The following ZNF211 variants were observed in gnomAD, a reference collection of about 807,000 sequenced individuals.
The protein encoded by ZNF211 is zinc finger protein 211.
ZNF211 carries 18 observed loss-of-function variants against 12.1 expected under a neutral mutation model. The ratio of observed to expected loss-of-function variants is 1.48; its 90% CI spans 1.03 to 2.20. The LOEUF (loss-of-function observed/expected upper bound fraction) is 2.20, where lower values mean the gene tolerates loss of function less well. ZNF211 is among the 30% of genes most tolerant of loss of function. The probability of loss-of-function intolerance (pLI) is 0.00; values close to 1 mark genes in which losing one functional copy is unlikely to be tolerated. For missense variants in ZNF211, 677 were observed against 703.1 expected (o/e 0.96, Z 0.42); for synonymous variants, 249 against 246.0 (o/e 1.01, Z -0.11).
Position 57,642,014 on chromosome 19 carries a change from G to A in ZNF211, c.1567G>A (p.Glu523Lys), listed in dbSNP as rs1451530459. The change falls in exon 4 of 4, where the codon GAG (glutamate) becomes AAG (lysine). Residue 523 changes from glutamate to lysine, a missense_variant. Coordinates refer to ENST00000240731, the MANE Select transcript of ZNF211 (RefSeq NM_006385.5). Reference protein sequence around the residue: ...LRVHTGERPYECSECGKSFSQ... With the variant: ...LRVHTGERPYKCSECGKSFSQ... ...AGTTCACACTGGAGAAAGGCCTTAT[G>A]AGTGCAGTGAATGTGGGAAATCCTT... is the stretch of plus-strand genomic sequence containing the variant. 2 of 1,614,196 alleles carry A rather than the reference G, an allele frequency of 1.2e-6. No homozygotes were observed. The highest frequency in any genetic ancestry group is 3.3e-5 in the Admixed American group (2 of 60,032).
intron 3 of ZNF211, among the ~76,000 whole-genome samples, chr19:57,640,424 A>T (rs1166658264): frequency 2.0e-5 from 3 of 152,186 alleles, no homozygotes; most frequent in African/African-American, 7.2e-5. Context: ...ATGTGATCCC[A>T]CTAAAAGCTA....
At chr19:57,639,869 C>A in intron 3 of ZNF211, 1 of 1,495,584 alleles carries the variant, frequency 6.7e-7, no homozygotes, top group South Asian at 1.3e-5. Context: ...CCGTGTTGTT[C>A]TGGGCCAGTG....
intron 3 of ZNF211, among the ~76,000 whole-genome samples, chr19:57,639,355 CTT>C (rs541121788): frequency 7.5e-4 from 26 of 34,790 alleles, no homozygotes; most frequent in East Asian, 3.0e-3. Flanking sequence ...GTTTGGCTCA[CTT>C]TTTTTTTTTT....
chr19:57,638,156 C>T (rs1337669906), intron 3 of ZNF211, among the ~76,000 whole-genome samples: 2 of 152,290 alleles, frequency 1.3e-5, no homozygotes, highest in Admixed American at 6.5e-5. Context: ...ACCTCAGCTT[C>T]CCAAAGTGCT....
Position 57,641,779 on chromosome 19 carries a change from G to A in ZNF211, c.1332G>A (p.Gly444=). 6.2e-7 allele frequency: 1 copy of A among 1,613,808 alleles called. No individual in the cohort carries two copies. The highest frequency in any genetic ancestry group is 8.5e-7 in the Non-Finnish European group (1 of 1,179,958). The change falls in exon 4 of 4, where the codon GGG becomes GGA. Residue 444 remains glycine (G), a synonymous_variant. Coordinates refer to ENST00000240731, the MANE Select transcript of ZNF211 (RefSeq NM_006385.5). ...GERPYECSKC[G]KSFKQSSSFS... is the part of the protein sequence containing the mutation. Reference sequence around the variant, plus strand: ...GACCCTATGAGTGCAGTAAATGTGGGAAGTCATTTAAGCAAAGCTCCAGCT... The same window carrying A: ...GACCCTATGAGTGCAGTAAATGTGGAAAGTCATTTAAGCAAAGCTCCAGCT...
chr19:57,635,113 AT>A (rs1446287765), intron 3 of ZNF211, among the ~76,000 whole-genome samples: 2 of 152,198 alleles, frequency 1.3e-5, no homozygotes, highest in African/African-American at 4.8e-5. Flanking sequence ...CATTGCCACT[AT>A]TTACACAGAC....
intron 3 of ZNF211, 22 bp downstream of exon 3, chr19:57,634,777 T>C: frequency 1.3e-6 from 2 of 1,550,592 alleles, no homozygotes; most frequent in Middle Eastern, 3.5e-4. Context: ...ATACTCACCC[T>C]TGTGCCCTGG....
At position 57,640,963 on chromosome 19, in the gene ZNF211, A is replaced by G; in HGVS notation, c.516A>G (p.Thr172=). The G allele has an allele frequency of 6.2e-7, 1 of 1,614,232 alleles. No homozygotes were observed. Among genetic ancestry groups the G allele is most frequent in the Non-Finnish European group, 8.5e-7 (1 of 1,180,040 alleles). ...AACAGCACCAGAGGCAGCACATTAC[A>G]GAGGCACCTTTCAGAAGTTATGTGG... The part of the protein sequence containing the change: ...NLQQHQRQHI[T]EAPFRSYVDT... Residue 172 remains threonine (T), a synonymous_variant, in exon 4 of 4, where the codon ACA becomes ACG. Coordinates refer to ENST00000240731, the MANE Select transcript of ZNF211 (RefSeq NM_006385.5).
At chr19:57,640,099 C>T in intron 3 of ZNF211, 2 of 1,527,034 alleles carry the variant, frequency 1.3e-6, no homozygotes, top group South Asian at 2.4e-5. Context: ...GGAACCTGTC[C>T]TGTTTGACTT....
rs1982865577 is a variant in ZNF211 at position 57,641,179 on chromosome 19, G to A, written c.732G>A (p.Trp244Ter). ...AFYSGKSHHNWGKCSKAFSHI... is the reference protein window; with the variant it reads ...AFYSGKSHHN ...ACAGTGGAAAAAGTCATCACAACTG[G>A]GGAAAATGCAGTAAAGCCTTTAGCC... is the stretch of plus-strand genomic sequence containing the variant. Residue 244 changes from tryptophan to a stop codon, truncating the protein, a stop_gained, in exon 4 of 4, where the codon TGG becomes TGA. Transcript: ENST00000240731. LOFTEE classifies it low-confidence loss of function (END_TRUNC). 6.2e-7 allele frequency: 1 copy of A among 1,614,156 alleles called. No individual in the cohort carries two copies. Among genetic ancestry groups the A allele is most frequent in the African/African-American group, 1.3e-5 (1 of 75,020 alleles).
Position 57,641,100 on chromosome 19 carries a change from C to G in ZNF211, c.653C>G (p.Ala218Gly), listed in dbSNP as rs777625856. Residue 218 changes from alanine to glycine, a missense_variant, in exon 4 of 4, where the codon GCC becomes GGC. Coordinates refer to ENST00000240731, the MANE Select transcript of ZNF211 (RefSeq NM_006385.5). ...AACATGAGGTTTCTCCATCAAGACGCCACTCAAACAGGGGAGAAGCCAAAT... is the reference window on the plus strand; with the variant it reads ...AACATGAGGTTTCTCCATCAAGACGGCACTCAAACAGGGGAGAAGCCAAAT... ...LANMRFLHQD[A>G]TQTGEKPNNS... The G allele has an allele frequency of 1.9e-6, 3 of 1,614,140 alleles. No individual in the cohort carries two copies. Among genetic ancestry groups the G allele is most frequent in the Non-Finnish European group, 2.5e-6 (3 of 1,180,022 alleles).
At chr19:57,634,479 G>A (rs1346983181) in intron 2 of ZNF211, 150 bp from the exon 3 acceptor site, 2 of 905,304 alleles carry the variant, frequency 2.2e-6, no homozygotes, top group Non-Finnish European at 3.1e-6. Flanking sequence ...AGTGACTAAT[G>A]GGAATGTGAA....
In ZNF211 at chr19:57,641,850, GT is replaced by G; in HGVS notation, c.1404del (p.Cys468TrpfsTer46). The G allele has an allele frequency of 6.2e-7, 1 of 1,614,216 alleles. No individual in the cohort carries two copies. The highest frequency in any genetic ancestry group is 8.5e-7 in the Non-Finnish European group (1 of 1,180,042). Reference sequence around the variant, plus strand: ...CACACAGGGGAAAGGCCTTATGTGTGTGGGGAATGTGGGAAATCCTTTAGCC... The same window carrying G: ...CACACAGGGGAAAGGCCTTATGTGTGGGGGAATGTGGGAAATCCTTTAGCC... ...KVHTGERPYV[C>X]GECGKSFSHS... On this transcript the variant is annotated frameshift_variant, in exon 4 of 4. Coordinates refer to ENST00000240731, the MANE Select transcript of ZNF211 (RefSeq NM_006385.5). LOFTEE classifies it low-confidence loss of function (END_TRUNC).
At chr19:57,637,176 T>A (rs1329469810) in intron 3 of ZNF211, among the ~76,000 whole-genome samples, 1 of 152,044 alleles carries the variant, frequency 6.6e-6, no homozygotes. Flanking sequence ...CTTTTCTTTC[T>A]TTTTCTTGCC....
intron 3 of ZNF211, among the ~76,000 whole-genome samples, chr19:57,636,375 T>C (rs1420961738): frequency 1.3e-5 from 2 of 152,212 alleles, no homozygotes; most frequent in Non-Finnish European, 2.9e-5. Flanking sequence ...GTACTTACAT[T>C]CAGATCTTTG....
At position 57,633,222 on chromosome 19, in the gene ZNF211, T is replaced by C. The variant is rs970913345; in HGVS notation, c.-125T>C. On this transcript the variant is annotated 5_prime_UTR_variant, in exon 1 of 4. Coordinates refer to ENST00000240731, the MANE Select transcript of ZNF211 (RefSeq NM_006385.5). ...GTCATTTTGGCTGCCCTCCCGGAGG[T>C]CCGTTCTGTCTGTCAGCCGCTTTGG... The C allele has an allele frequency of 4.5e-5, 43 of 965,638 alleles. 1 individual carries two copies. The Admixed American group carries it at 1.5e-3, about 34-fold the overall frequency. The allele number at this position is 965,638 out of a possible 1,614,324, so 59.8% of individuals were successfully genotyped here. A position where few individuals can be genotyped will look rare whatever the true frequency, so the allele number is the denominator to read the frequency against.
chr19:57,643,766 C>T lies in ZNF211; in HGVS notation c.*1585C>T, dbSNP rs1397622934. On this transcript the variant is annotated 3_prime_UTR_variant, in exon 4 of 4. Coordinates refer to ENST00000240731, the MANE Select transcript of ZNF211 (RefSeq NM_006385.5). ...TCTAAGCTCTCCCTCCCCTCTCTGGCCCTCAAGGCAACCATTGATTTATAC... is the reference window on the plus strand; with the variant it reads ...TCTAAGCTCTCCCTCCCCTCTCTGGTCCTCAAGGCAACCATTGATTTATAC... Among the ~76,000 whole-genome samples, 1 of 152,162 alleles carries T rather than the reference C, an allele frequency of 6.6e-6. No homozygotes were observed.
intron 3 of ZNF211, among the ~76,000 whole-genome samples, chr19:57,636,909 T>C (rs1982217155): frequency 6.6e-6 from 1 of 152,222 alleles, no homozygotes; most frequent in Non-Finnish European, 1.5e-5. Flanking sequence ...GTTTCTAGTG[T>C]ACAAGGCTTT....
intron 1 of ZNF211, 71 bp downstream of exon 1, chr19:57,633,507 G>C: frequency 6.6e-7 from 1 of 1,517,800 alleles, no homozygotes; most frequent in Non-Finnish European, 8.8e-7. Context: ...ACCAGCTCAC[G>C]TCTCTGTAGC....
Sources: allele counts gnomAD v4.1 joint callset (sites outside exome capture counted in the v4.1 genomes callset), GRCh38; gene constraint gnomAD v4.1.1; transcripts MANE v1.5; gene names NCBI Gene and HGNC (gene_info 2026-07-23, HGNC 2026-07-21).